The following NLRP2 variants were observed in gnomAD, a reference collection of about 807,000 sequenced individuals.
NLRP2 encodes NACHT, LRR and PYD domains-containing protein 2.
Under a neutral mutation model 97.2 loss-of-function variants are expected in NLRP2, and 107 were observed. The observed-to-expected ratio is 1.10, with a 90% CI of 0.94 to 1.29. NLRP2 has a LOEUF of 1.29. Ranked by LOEUF, NLRP2 falls within the 50% of genes most tolerant of loss-of-function variation. The probability of loss-of-function intolerance (pLI) is 0.00; values close to 1 mark genes in which losing one functional copy is unlikely to be tolerated. For synonymous variants in NLRP2, 663 were observed against 551.5 expected (o/e 1.20, Z -2.83); for missense variants, 1,495 against 1,330.3 (o/e 1.12, Z -1.93).
chr19:54,979,802 A>G (rs1355048702), intron 4 of NLRP2, among the ~76,000 whole-genome samples: 3 of 151,916 alleles, frequency 2.0e-5, no homozygotes, highest in African/African-American at 7.3e-5. Flanking sequence ...CTTGAGATGG[A>G]GTCTCACTCT....
intron 6 of NLRP2, among the ~76,000 whole-genome samples, chr19:54,984,329 G>GTGTGTTTTTTTTTTTTTTTTTTTTTTTTT: frequency 1.5e-4 from 12 of 79,670 alleles, no homozygotes; most frequent in Non-Finnish European, 3.0e-4. Flanking sequence ...TTTTTTTTGT[G>GTGTGTTTTTTTTTTTTTTTTTTTTTTTTT]TTTTTTTTTT....
At chr19:54,996,970 C>T (rs904155572) in intron 11 of NLRP2, among the ~76,000 whole-genome samples, 5 of 152,144 alleles carry the variant, frequency 3.3e-5, no homozygotes, top group Admixed American at 1.3e-4. Flanking sequence ...TGCAATGGCG[C>T]GATCTCGGCT....
chr19:54,977,707 C>G, intron 3 of NLRP2, 45 bp from the exon 4 acceptor site: 1 of 1,598,314 alleles, frequency 6.3e-7, no homozygotes, highest in Non-Finnish European at 8.6e-7. Flanking sequence ...TGGAGTCCCA[C>G]TGCCAGCACA....
At chr19:54,974,426 T>A in intron 2 of NLRP2, 74 bp from the exon 3 acceptor site, 2 of 1,080,262 alleles carry the variant, frequency 1.9e-6, no homozygotes, top group Admixed American at 3.4e-5. Context: ...AAGTGTCATC[T>A]TTTCTTTTAT....
chr19:54,975,718 C>T (rs187565807), intron 3 of NLRP2, among the ~76,000 whole-genome samples: 1,714 of 152,064 alleles, frequency 0.011, 13 homozygotes, highest in Non-Finnish European at 0.016. Flanking sequence ...TCCCAAAGTG[C>T]TGGGATTACA....
At position 54,997,757 on chromosome 19, in the gene NLRP2, CT is replaced by C. The variant is rs755734084; in HGVS notation, c.3050+284del. 8.7e-3 allele frequency among the ~76,000 whole-genome samples: 1,243 copies of C among 143,378 alleles called. 5 individuals carry two copies. The highest frequency in any genetic ancestry group is 0.01 in the Non-Finnish European group (675 of 65,070). The allele number at this position is 143,378 out of a possible 152,430, so 94.1% of individuals were successfully genotyped here. A position where few individuals can be genotyped will look rare whatever the true frequency, so the allele number is the denominator to read the frequency against. ...GGCGTGAGCAACCGCACCCGGCCAC[CT>C]TTTTTTTTTTTTTCCTTTGAGGCAA... On this transcript the variant is annotated intron_variant, in intron 12 of 12. Transcript: ENST00000448584.
At chr19:54,979,977 G>C (rs142059461) in intron 4 of NLRP2, among the ~76,000 whole-genome samples, 1 of 151,752 alleles carries the variant, frequency 6.6e-6, no homozygotes, top group Non-Finnish European at 1.5e-5. Context: ...GGGTTTCACC[G>C]TGTTAGTCAG....
Position 54,974,627 on chromosome 19 carries a change from A to G in NLRP2, c.325+83A>G, listed in dbSNP as rs2071081109. The G allele has an allele frequency of 3.0e-6, 3 of 1,000,118 alleles. No individual in the cohort carries two copies. The South Asian group carries it at 4.0e-5, about 13-fold the overall frequency. 62.0% of individuals were successfully genotyped at this position (1,000,118 alleles called of 1,614,324 possible). A position where few individuals can be genotyped will look rare whatever the true frequency, so the allele number is the denominator to read the frequency against. ...TTGTTTTAAGGAGAATGTGCTGAGC[A>G]CTAAGAATGCAAAGAAATGCCGGAC... is the stretch of plus-strand genomic sequence containing the variant. On this transcript the variant is annotated intron_variant, in intron 3 of 12. Coordinates refer to ENST00000448584, the MANE Select transcript of NLRP2 (RefSeq NM_017852.5).
chr19:54,998,538 A>AGTTT (rs150262560), intron 12 of NLRP2, among the ~76,000 whole-genome samples: 40,776 of 144,468 alleles, frequency 0.28, 6,407 homozygotes, highest in Middle Eastern at 0.42. Flanking sequence ...TTAAGCTTTA[A>AGTTT]GTTTGTTTGT....
chr19:54,975,455 ATTTTTT>A (rs34340544), intron 3 of NLRP2, among the ~76,000 whole-genome samples: 1 of 132,468 alleles, frequency 7.5e-6, no homozygotes. Flanking sequence ...GATTATTATT[ATTTTTT>A]TTTTTTTTGA....
chr19:54,998,529 T>A (rs1470469230), intron 12 of NLRP2, among the ~76,000 whole-genome samples: 1 of 147,030 alleles, frequency 6.8e-6, no homozygotes, highest in Non-Finnish European at 1.5e-5. Flanking sequence ...AGGGTTTTTT[T>A]AAGCTTTAAG....
intron 1 of NLRP2, among the ~76,000 whole-genome samples, chr19:54,969,655 A>T (rs536004509): frequency 2.0e-5 from 3 of 152,226 alleles, no homozygotes; most frequent in African/African-American, 7.2e-5. Flanking sequence ...ACTATCTCAA[A>T]AATAAGTAAA....
chr19:54,974,544 G>C lies in NLRP2; in HGVS notation c.325G>C (p.Gly109Arg). The change falls in exon 3 of 13, where the codon GGG (glycine) becomes CGG (arginine). Residue 109 changes from glycine to arginine, a missense_variant and splice_region_variant. Physicochemically the swap from Gly to Arg is moderately radical, Grantham distance 125. Coordinates refer to ENST00000448584, the MANE Select transcript of NLRP2 (RefSeq NM_017852.5). ...TAATAAAAGGAAGCCTCTATCATTA[G>C]GTAAGTTACCTCATTTATAACTTTT... ...SFNKRKPLSL[G>R]ITRKERPPLD... The C allele has an allele frequency of 6.3e-7, 1 of 1,590,052 alleles. No individual in the cohort carries two copies. The highest frequency in any genetic ancestry group is 1.7e-4 in the Middle Eastern group (1 of 6,016).
intron 12 of NLRP2, among the ~76,000 whole-genome samples, chr19:54,999,208 C>T (rs369925633): frequency 3.3e-5 from 5 of 152,238 alleles, no homozygotes; most frequent in South Asian, 4.1e-4. Context: ...AGCGCAATGG[C>T]GCTATCTCGG....
chr19:54,998,042 T>TC (rs1461011866), intron 12 of NLRP2, among the ~76,000 whole-genome samples: 28 of 147,766 alleles, frequency 1.9e-4, no homozygotes, highest in Admixed American at 6.8e-4. Context: ...TTTTTTTTTT[T>TC]CTGAGATGGA....
rs755171724 is a variant in NLRP2 at position 54,983,657 on chromosome 19, G to T, written c.1959G>T (p.Met653Ile). The change falls in exon 6 of 13, where the codon ATG becomes ATT. Residue 653 changes from methionine (M) to isoleucine (I), a missense_variant. Met to Ile is a conservative substitution (Grantham distance 10). Transcript: ENST00000448584. Reference sequence around the variant, plus strand: ...AGCACTGTCGAAACCTGCAGAAAATGTCACTGCAGGTAATAAAGGAGAATC... The same window carrying T: ...AGCACTGTCGAAACCTGCAGAAAATTTCACTGCAGGTAATAAAGGAGAATC... ...CVKHCRNLQKMSLQVIKENLP... is the reference protein window; with the variant it reads ...CVKHCRNLQKISLQVIKENLP... 5.0e-6 allele frequency: 8 copies of T among 1,613,964 alleles called. No individual in the cohort carries two copies. In the South Asian group the frequency reaches 8.8e-5, roughly 18 times the overall value.
chr19:54,976,091 C>G (rs1049678160), intron 3 of NLRP2, among the ~76,000 whole-genome samples: 1 of 151,766 alleles, frequency 6.6e-6, no homozygotes, highest in African/African-American at 2.4e-5. Flanking sequence ...CTCTGTTGCC[C>G]AGGATGGAAT....
chr19:54,998,594 T>TG (rs112761915), intron 12 of NLRP2, among the ~76,000 whole-genome samples: 35,069 of 131,526 alleles, frequency 0.27, 6,240 homozygotes, highest in Middle Eastern at 0.4. Context: ...CTCTTTTTTT[T>TG]GGGGTGCATC....
At position 54,999,132 on chromosome 19, in the gene NLRP2, T is replaced by C. The variant is rs957756533; in HGVS notation, c.3051-1628T>C. 5.2e-3 allele frequency among the ~76,000 whole-genome samples: 771 copies of C among 149,596 alleles called. 4 individuals carry two copies. The highest frequency in any genetic ancestry group is 0.018 in the African/African-American group (742 of 40,244). On this transcript the variant is annotated intron_variant, in intron 12 of 12. Transcript: ENST00000448584. ...TCACCTCCCGGACAGGGCGGCTGGC[T>C]GGGCGGGGGGCTGACCCCCCCACCT...
Sources: gnomAD v4.1 joint callset for allele counts (sites outside exome capture counted in the v4.1 genomes callset) on GRCh38, gnomAD v4.1.1 for gene constraint, MANE v1.5 for transcripts, NCBI Gene and HGNC (gene_info 2026-07-23, HGNC 2026-07-21) for gene names.